Variants in SAMD7 observed in about 807,000 individuals in gnomAD.
SAMD7 encodes the protein sterile alpha motif domain containing 7.
Under a neutral mutation model 36.7 loss-of-function variants are expected in SAMD7, and 34 were observed. The observed-to-expected ratio is 0.93, with a 90% CI of 0.71 to 1.23. The LOEUF is 1.23. Among genes scored for constraint, SAMD7 ranks in the 50% most tolerant of loss-of-function variants. The pLI is 0.00. For synonymous variants in SAMD7, 188 were observed against 189.7 expected (o/e 0.99, Z 0.07); for missense variants, 570 against 546.6 (o/e 1.04, Z -0.43).
Position 169,926,628 on chromosome 3 carries a change from A to G in SAMD7, c.366A>G (p.Leu122=), listed in dbSNP as rs773033116. ...EKINPKGLAG[L]GIPFLYGSSV... is the part of the protein sequence containing the mutation. ...TTAATCCCAAGGGACTAGCAGGCCT[A>G]GGGATACCCTTCCTCTATGGCTCCA... is the stretch of plus-strand genomic sequence containing the variant. Residue 122 remains leucine (L), a synonymous_variant, in exon 6 of 9, where the codon CTA becomes CTG. Transcript: ENST00000335556. 6.2e-7 allele frequency: 1 copy of G among 1,613,842 alleles called. No homozygotes were observed. The highest frequency in any genetic ancestry group is 1.1e-5 in the South Asian group (1 of 91,076).
At chr3:169,930,942 A>G (rs900105523) in intron 7 of SAMD7, among the ~76,000 whole-genome samples, 1 of 151,986 alleles carries the variant, frequency 6.6e-6, no homozygotes, top group East Asian at 1.9e-4. Context: ...CGTTAAACCT[A>G]CTGTCCCCCA....
At chr3:169,925,170 T>A (rs1713206408) in intron 5 of SAMD7, 34 bp downstream of exon 5, 1 of 1,363,320 alleles carries the variant, frequency 7.3e-7, no homozygotes, top group Non-Finnish European at 1.0e-6. Context: ...TTATTCTCTA[T>A]TCATTCACTT....
At chr3:169,922,163 C>T (rs996569116) in intron 4 of SAMD7, among the ~76,000 whole-genome samples, 9 of 152,014 alleles carry the variant, frequency 5.9e-5, no homozygotes, top group African/African-American at 1.9e-4. Flanking sequence ...GACACCCAAG[C>T]GGAGAGGTCA....
chr3:169,928,375 G>A (rs1713357911), intron 6 of SAMD7, 82 bp from the exon 7 acceptor site: 2 of 1,249,736 alleles, frequency 1.6e-6, no homozygotes, highest in African/African-American at 3.0e-5. Flanking sequence ...GACCACTCTG[G>A]GGTGATAGAA....
chr3:169,919,720 G>A (rs1576828320), intron 3 of SAMD7, 136 bp downstream of exon 3: 3 of 754,928 alleles, frequency 4.0e-6, no homozygotes, highest in Non-Finnish European at 6.9e-6. Flanking sequence ...TTCAAGTCAA[G>A]ACACCCTGCT....
chr3:169,917,657 T>TTTATTTATTTA, intron 2 of SAMD7, among the ~76,000 whole-genome samples: 1 of 50,364 alleles, frequency 2.0e-5, no homozygotes, highest in African/African-American at 6.1e-5. Context: ...TTATTTATTT[T>TTTATTTATTTA]TTGAGACGGA....
chr3:169,920,222 A>G (rs1486879584), intron 3 of SAMD7, among the ~76,000 whole-genome samples: 1 of 152,192 alleles, frequency 6.6e-6, no homozygotes, highest in Non-Finnish European at 1.5e-5. Flanking sequence ...TAAATACTGG[A>G]TGGTTTAAAC....
intron 7 of SAMD7, among the ~76,000 whole-genome samples, chr3:169,934,070 G>C (rs1432169677): frequency 6.6e-6 from 1 of 152,170 alleles, no homozygotes; most frequent in Non-Finnish European, 1.5e-5. Flanking sequence ...AGGTGGGAGA[G>C]GTGGGGAGAG....
chr3:169,912,221 G>GC (rs919034405), intron 1 of SAMD7, among the ~76,000 whole-genome samples: 2 of 151,846 alleles, frequency 1.3e-5, no homozygotes, highest in Non-Finnish European at 2.9e-5. Context: ...TATTTTAATG[G>GC]CCCCCCATTA....
intron 5 of SAMD7, among the ~76,000 whole-genome samples, chr3:169,925,698 C>G (rs924435917): frequency 6.6e-6 from 1 of 152,140 alleles, no homozygotes; most frequent in African/African-American, 2.4e-5. Context: ...TGTGCTCCAG[C>G]CTGGGCAACA....
chr3:169,917,653 A>ATTTT (rs1394198351), intron 2 of SAMD7, among the ~76,000 whole-genome samples: 7 of 150,920 alleles, frequency 4.6e-5, no homozygotes, highest in African/African-American at 1.2e-4. Flanking sequence ...TTATTTATTT[A>ATTTT]TTTTTTGAGA....
intron 5 of SAMD7, 113 bp from the exon 6 acceptor site, chr3:169,926,440 A>C (rs1017847449): frequency 1.6e-6 from 2 of 1,254,384 alleles, no homozygotes; most frequent in African/African-American, 3.0e-5. Flanking sequence ...GTTTCCACCA[A>C]ACAAACTTCA....
At position 169,927,009 on chromosome 3, in the gene SAMD7, C is replaced by G. The variant is rs1421103615; in HGVS notation, c.747C>G (p.Ala249=). The change falls in exon 6 of 9, where the codon GCC becomes GCG. Residue 249 remains alanine, a synonymous_variant. Transcript: ENST00000335556. The part of the protein sequence containing the change: ...ETNEKPTTAL[A]NTCGELEPTH... ...ATGAAAAGCCAACGACAGCTCTTGC[C>G]AACACCTGTGGAGAGCTCGAGCCCA... 8.1e-6 allele frequency: 13 copies of G among 1,613,732 alleles called. No homozygotes were observed. The highest frequency in any genetic ancestry group is 1.3e-5 in the African/African-American group (1 of 74,804).
At chr3:169,919,354 A>G (rs1712945114) in intron 2 of SAMD7, 104 bp from the exon 3 acceptor site, 1 of 654,748 alleles carries the variant, frequency 1.5e-6, no homozygotes, top group South Asian at 1.9e-5. Flanking sequence ...TAGTCTTCCC[A>G]AGTGTTGTGA....
At chr3:169,915,493 T>A (rs1712757984) in intron 2 of SAMD7, 52 bp downstream of exon 2, 1 of 151,414 alleles carries the variant, frequency 6.6e-6, no homozygotes. Flanking sequence ...CTTGCTCCTC[T>A]CTTTCTTCCT....
chr3:169,928,409 A>T, intron 6 of SAMD7, 48 bp from the exon 7 acceptor site: 1 of 1,542,498 alleles, frequency 6.5e-7, no homozygotes, highest in Non-Finnish European at 9.0e-7. Flanking sequence ...ATGTAACTAT[A>T]CATAAACCTG....
intron 2 of SAMD7, among the ~76,000 whole-genome samples, chr3:169,919,240 G>A (rs916441803): frequency 3.3e-5 from 5 of 152,212 alleles, no homozygotes; most frequent in East Asian, 3.9e-4. Context: ...GTTTGGTACC[G>A]TATTACCTGT....
At chr3:169,917,625 G>GTTTATTTATTTA (rs61311120) in intron 2 of SAMD7, among the ~76,000 whole-genome samples, 28,729 of 145,964 alleles carry the variant, frequency 0.2, 3,285 homozygotes, top group Admixed American at 0.26. Context: ...TTATTTGTTT[G>GTTTATTTATTTA]TTTATTTATT....
intron 2 of SAMD7, 22 bp downstream of exon 2, chr3:169,915,463 TG>T (rs1712756482): frequency 6.6e-6 from 1 of 151,852 alleles, no homozygotes; most frequent in Admixed American, 6.6e-5. Context: ...GAGGAAGAGG[TG>T]GTGAGTCTCT....
Sources: gnomAD v4.1 joint callset for allele counts (sites outside exome capture counted in the v4.1 genomes callset) on GRCh38, gnomAD v4.1.1 for gene constraint, MANE v1.5 for transcripts, NCBI Gene and HGNC (gene_info 2026-07-23, HGNC 2026-07-21) for gene names.